PSD3: variants seen among roughly 807,000 people sequenced by gnomAD.
PSD3 encodes the protein PH and SEC7 domain-containing protein 3.
A neutral mutation model predicts 105.5 loss-of-function variants in PSD3; 49 were observed. That is an observed-to-expected ratio of 0.46 (90% CI 0.37 to 0.59). PSD3 has a LOEUF of 0.59. Among genes scored for constraint, PSD3 ranks in the 20% least tolerant of loss-of-function variants. The pLI is 0.00. For synonymous variants in PSD3, 557 were observed against 457.8 expected, an observed-to-expected ratio of 1.22 and a Z score of -2.77; for missense variants, 1,561 against 1,263.8, an observed-to-expected ratio of 1.24 and a Z score of -3.57.
In PSD3 at chr8:18,969,737, A is replaced by G. The variant is rs77388897; in HGVS notation, c.22-33595T>C. Among the ~76,000 whole-genome samples the G allele has an allele frequency of 1.1e-3, 160 of 152,330 alleles. 2 individuals carry two copies. In the East Asian group the frequency reaches 0.029, roughly 27 times the overall value. ...CTGAATTCCTGTAAACATACCTGTA[A>G]GTTAAAGTAAACCCAAGGATCTTTC... On this transcript the variant is annotated intron_variant, in intron 1 of 15. Coordinates refer to ENST00000327040, the MANE Select transcript of PSD3 (RefSeq NM_015310.4).
At chr8:18,846,969 T>A (rs1337524475) in intron 4 of PSD3, among the ~76,000 whole-genome samples, 1 of 152,072 alleles carries the variant, frequency 6.6e-6, no homozygotes, top group Non-Finnish European at 1.5e-5. Context: ...ACCCTGCCAA[T>A]CCCATGCTCC....
chr8:18,582,251 C>CT (rs1482333492), intron 12 of PSD3, among the ~76,000 whole-genome samples: 1 of 152,124 alleles, frequency 6.6e-6, no homozygotes, highest in Non-Finnish European at 1.5e-5. Context: ...TCCAATCTGC[C>CT]TTCCACGCTC....
intron 15 of PSD3, among the ~76,000 whole-genome samples, chr8:18,553,951 C>G (rs182211310): frequency 1.3e-4 from 20 of 152,230 alleles, no homozygotes; most frequent in African/African-American, 4.3e-4. Context: ...ACGCAGTCTG[C>G]AAGCTCGCTG....
chr8:18,848,279 T>C (rs1414873388), intron 4 of PSD3, among the ~76,000 whole-genome samples: 1 of 152,176 alleles, frequency 6.6e-6, no homozygotes, highest in East Asian at 1.9e-4. Flanking sequence ...CAACACAACA[T>C]AAATATGACT....
At chr8:18,922,242 C>T (rs1268965873) in intron 2 of PSD3, among the ~76,000 whole-genome samples, 2 of 152,170 alleles carry the variant, frequency 1.3e-5, no homozygotes, top group Admixed American at 6.5e-5. Context: ...TACTCTAACA[C>T]GTCCTAACGG....
At chr8:18,599,392 G>C (rs1464486030) in intron 12 of PSD3, among the ~76,000 whole-genome samples, 1 of 152,016 alleles carries the variant, frequency 6.6e-6, no homozygotes, top group Non-Finnish European at 1.5e-5. Context: ...CCCACTTCTG[G>C]GTATTTATCC....
intron 4 of PSD3, among the ~76,000 whole-genome samples, chr8:18,831,790 T>C (rs1029970008): frequency 1.3e-5 from 2 of 152,062 alleles, no homozygotes; most frequent in African/African-American, 4.8e-5. Context: ...CATGAAGACA[T>C]GTTGCAAATA....
chr8:18,906,597 G>T lies in PSD3; in HGVS notation c.130+29437C>A, dbSNP rs75891113. On this transcript the variant is annotated intron_variant, in intron 2 of 15. Coordinates refer to ENST00000327040, the MANE Select transcript of PSD3 (RefSeq NM_015310.4). ...CAGGTTTTGTAGGGACAATATATAT[G>T]ATCTTATTGCTAAACTTCATACCTT... Among the ~76,000 whole-genome samples the T allele has an allele frequency of 2.1e-3, 326 of 152,250 alleles. 1 individual carries two copies. Among genetic ancestry groups the T allele is most frequent in the African/African-American group, 7.4e-3 (309 of 41,550 alleles).
intron 1 of PSD3, among the ~76,000 whole-genome samples, chr8:18,971,601 C>T (rs770975598): frequency 3.4e-4 from 52 of 152,212 alleles, no homozygotes; most frequent in Non-Finnish European, 1.6e-4. Context: ...TCCCGCCTCA[C>T]ATCTGCCTTT....
At chr8:18,774,738 A>G in intron 8 of PSD3, 1 of 366,786 alleles carries the variant, frequency 2.7e-6, no homozygotes, top group Non-Finnish European at 5.4e-6. Flanking sequence ...AGTTTGGCTA[A>G]TGACGGTGAG....
chr8:18,898,983 T>C (rs1373022433), intron 2 of PSD3, among the ~76,000 whole-genome samples: 1 of 152,180 alleles, frequency 6.6e-6, no homozygotes. Context: ...TTCTATACAG[T>C]ACCAATCCTT....
chr8:18,814,686 T>C (rs933244613), intron 4 of PSD3, among the ~76,000 whole-genome samples: 1 of 152,248 alleles, frequency 6.6e-6, no homozygotes, highest in Non-Finnish European at 1.5e-5. Flanking sequence ...CAAATGTATA[T>C]GCTCATTGTT....
chr8:18,959,132 GCTGGTCTCAAACTC>G (rs977285774), intron 1 of PSD3, among the ~76,000 whole-genome samples: 1 of 152,100 alleles, frequency 6.6e-6, no homozygotes, highest in Non-Finnish European at 1.5e-5. Context: ...CGTTGGCCAG[GCTGGTCTCAAACTC>G]CTGACCTCAA....
At position 18,530,911 on chromosome 8, in the gene PSD3, C is replaced by G. The variant is rs571839536; in HGVS notation, c.*4832G>C. 2.6e-5 allele frequency: 4 copies of G among 152,248 alleles called. No homozygotes were observed. The South Asian group carries it at 8.3e-4, about 32-fold the overall frequency. The allele number at this position is 152,248 out of a possible 1,614,324, so 9.4% of individuals were successfully genotyped here. On this transcript the variant is annotated 3_prime_UTR_variant, in exon 16 of 16. Coordinates refer to ENST00000327040, the MANE Select transcript of PSD3 (RefSeq NM_015310.4). ...ATAAAACAATACCACTATATATACTCTCAACAACTTCATTATATAATCAGT... is the reference window on the plus strand; with the variant it reads ...ATAAAACAATACCACTATATATACTGTCAACAACTTCATTATATAATCAGT...
chr8:18,979,286 C>T (rs1295390821), intron 1 of PSD3, among the ~76,000 whole-genome samples: 2 of 152,082 alleles, frequency 1.3e-5, no homozygotes, highest in African/African-American at 2.4e-5. Flanking sequence ...AATTTTTATA[C>T]ACTGTAATTA....
At chr8:18,670,445 A>G (rs1008560906) in intron 9 of PSD3, among the ~76,000 whole-genome samples, 6 of 152,208 alleles carry the variant, frequency 3.9e-5, no homozygotes, top group African/African-American at 1.4e-4. Flanking sequence ...AGAAAGGATT[A>G]TAAGAGAAAA....
At chr8:18,902,631 C>T (rs1376217449) in intron 2 of PSD3, among the ~76,000 whole-genome samples, 2 of 152,142 alleles carry the variant, frequency 1.3e-5, no homozygotes, top group East Asian at 3.9e-4. Flanking sequence ...GGAACGGTAG[C>T]CTCTTCCAAA....
intron 1 of PSD3, among the ~76,000 whole-genome samples, chr8:18,946,421 A>C (rs895208292): frequency 3.9e-5 from 6 of 152,070 alleles, no homozygotes; most frequent in African/African-American, 1.4e-4. Flanking sequence ...AAAAAATAAA[A>C]AATAAAAAAA....
In PSD3 at chr8:18,778,304, G is replaced by C. The variant is rs148334852; in HGVS notation, c.2083-12766C>G. Among the ~76,000 whole-genome samples the C allele has an allele frequency of 6.7e-3, 1,016 of 152,230 alleles. 10 individuals are homozygous for C. Among genetic ancestry groups the C allele is most frequent in the African/African-American group, 0.023 (956 of 41,548 alleles). ...GAGAATAGACACACTGCTGAGTTGT[G>C]TACACTGATTTTTTACCTTGAAACT... On this transcript the variant is annotated intron_variant, in intron 8 of 15. Transcript: ENST00000327040.
Sources: allele counts gnomAD v4.1 joint callset (sites outside exome capture counted in the v4.1 genomes callset), GRCh38; gene constraint gnomAD v4.1.1; transcripts MANE v1.5; gene names NCBI Gene and HGNC (gene_info 2026-07-23, HGNC 2026-07-21).